The following DCUN1D4 variants were observed in gnomAD, a reference collection of about 807,000 sequenced individuals.
DCUN1D4 encodes the protein DCN1-like protein 4.
DCUN1D4 carries 22 observed loss-of-function variants against 47.9 expected under a neutral mutation model. The ratio of observed to expected loss-of-function variants is 0.46; its 90% confidence interval spans 0.33 to 0.66. The LOEUF is 0.66. Ranked by LOEUF, DCUN1D4 falls within the 30% of genes least tolerant of loss-of-function variation. The pLI is 0.02. For synonymous variants in DCUN1D4, 121 were observed against 112.2 expected (o/e 1.08, Z -0.50); for missense variants, 301 against 340.8 (o/e 0.88, Z 0.92).
chr4:51,881,268 A>C (rs1265826661), intron 5 of DCUN1D4, among the ~76,000 whole-genome samples: 2 of 152,228 alleles, frequency 1.3e-5, no homozygotes, highest in African/African-American at 4.8e-5. Context: ...GCTCACATAC[A>C]TAGGTCATAA....
At chr4:51,857,531 A>G (rs1327839724) in intron 1 of DCUN1D4, among the ~76,000 whole-genome samples, 1 of 152,148 alleles carries the variant, frequency 6.6e-6, no homozygotes, top group Admixed American at 6.5e-5. Flanking sequence ...TTGGTGGAAT[A>G]AGTTGTTTCA....
chr4:51,877,565 G>A, intron 4 of DCUN1D4, 198 bp from the exon 5 acceptor site: 1 of 415,720 alleles, frequency 2.4e-6, no homozygotes, highest in South Asian at 3.6e-5. Flanking sequence ...GTGCTTACCA[G>A]TTCTATATTA....
At chr4:51,895,222 G>A (rs1280210689) in intron 7 of DCUN1D4, among the ~76,000 whole-genome samples, 2 of 151,726 alleles carry the variant, frequency 1.3e-5, no homozygotes, top group African/African-American at 4.8e-5. Flanking sequence ...AAAGGTTACT[G>A]TATGATGGGA....
In DCUN1D4 at chr4:51,913,602, CGA is replaced by C; in HGVS notation, c.*24_*25del. 6.2e-7 allele frequency: 1 copy of C among 1,608,058 alleles called. No individual in the cohort carries two copies. The highest frequency in any genetic ancestry group is 8.5e-7 in the Non-Finnish European group (1 of 1,176,084). On this transcript the variant is annotated 3_prime_UTR_variant, in exon 11 of 11. Coordinates refer to ENST00000334635, the MANE Select transcript of DCUN1D4 (RefSeq NM_001040402.3). ...TGTCCTAGGACTTTATGCATAGCAG[CGA>C]GAGAGTCACTGTTACCACAGTTTTG...
chr4:51,876,847 C>A (rs565450467), intron 4 of DCUN1D4, among the ~76,000 whole-genome samples: 1 of 152,196 alleles, frequency 6.6e-6, no homozygotes, highest in Non-Finnish European at 1.5e-5. Flanking sequence ...CATATTCTTA[C>A]ATACTATGAA....
At chr4:51,834,108 TTTTTTC>T in the DCUN1D4 span, among the ~76,000 whole-genome samples, 4 of 125,978 alleles carry the variant, frequency 3.2e-5, 2 homozygotes, top group African/African-American at 7.7e-5. Flanking sequence ...TCTTTCTTTT[TTTTTTC>T]TTTTTTTTTT....
intron 8 of DCUN1D4, among the ~76,000 whole-genome samples, chr4:51,899,676 GA>G (rs1351715540): frequency 6.6e-6 from 1 of 152,164 alleles, no homozygotes; most frequent in Non-Finnish European, 1.5e-5. Flanking sequence ...GATAAGGTTG[GA>G]AAAGCTTTCC....
chr4:51,855,056 G>A (rs1375726283), intron 1 of DCUN1D4, among the ~76,000 whole-genome samples: 2 of 152,112 alleles, frequency 1.3e-5, no homozygotes, highest in East Asian at 1.9e-4. Flanking sequence ...AGTGAATAAA[G>A]CAAAAGGAAG....
intron 8 of DCUN1D4, among the ~76,000 whole-genome samples, chr4:51,901,880 C>T (rs777267841): frequency 5.9e-5 from 9 of 152,086 alleles, no homozygotes; most frequent in Non-Finnish European, 1.2e-4. Flanking sequence ...GCTTAATTAC[C>T]GGATAGATTC....
At chr4:51,868,089 A>G (rs1481586396) in intron 3 of DCUN1D4, among the ~76,000 whole-genome samples, 3 of 152,242 alleles carry the variant, frequency 2.0e-5, no homozygotes, top group African/African-American at 4.8e-5. Flanking sequence ...CTCAGCCTCA[A>G]CTTTACTCTG....
chr4:51,888,983 C>G (rs544054480), intron 6 of DCUN1D4, among the ~76,000 whole-genome samples: 11 of 151,706 alleles, frequency 7.3e-5, no homozygotes, highest in African/African-American at 2.7e-4. Context: ...GTGATGTGCG[C>G]TAGTAATCCC....
the DCUN1D4 span, among the ~76,000 whole-genome samples, chr4:51,837,061 C>T: frequency 6.6e-6 from 1 of 152,170 alleles, no homozygotes; most frequent in African/African-American, 2.4e-5. Flanking sequence ...ATGAAAAACA[C>T]CATAAAGGTC....
In DCUN1D4 at chr4:51,915,810, A is replaced by C. The variant is rs1322950410; in HGVS notation, c.*2226A>C. The C allele has an allele frequency of 6.6e-6, 1 of 152,566 alleles. No individual in the cohort carries two copies. Among genetic ancestry groups the C allele is most frequent in the African/African-American group, 2.4e-5 (1 of 41,438 alleles). The allele number at this position is 152,566 out of a possible 1,614,324, so 9.5% of individuals were successfully genotyped here. A position where few individuals can be genotyped will look rare whatever the true frequency, so the allele number is the denominator to read the frequency against. On this transcript the variant is annotated 3_prime_UTR_variant, in exon 11 of 11. Coordinates refer to ENST00000334635, the MANE Select transcript of DCUN1D4 (RefSeq NM_001040402.3). ...TCAACATTTTGATGGTAGGGAAAAAACTGCGTAAAAACTATTGCATTATGT... is the reference window on the plus strand; with the variant it reads ...TCAACATTTTGATGGTAGGGAAAAACCTGCGTAAAAACTATTGCATTATGT...
At chr4:51,843,522 C>T (rs1244892259) in intron 1 of DCUN1D4, 8 of 1,279,248 alleles carry the variant, frequency 6.3e-6, no homozygotes, top group Non-Finnish European at 7.9e-6. Flanking sequence ...GGCTCTCTTT[C>T]AGTGTTGGGG....
intron 6 of DCUN1D4, among the ~76,000 whole-genome samples, chr4:51,891,511 C>T (rs1459534444): frequency 6.6e-6 from 1 of 152,162 alleles, no homozygotes; most frequent in Non-Finnish European, 1.5e-5. Flanking sequence ...CCTTACACCT[C>T]CACTATCGTG....
At chr4:51,867,531 G>C (rs1039337838) in intron 3 of DCUN1D4, among the ~76,000 whole-genome samples, 2 of 152,118 alleles carry the variant, frequency 1.3e-5, no homozygotes, top group Non-Finnish European at 2.9e-5. Flanking sequence ...ACCCAAAGTG[G>C]GTAGCTCTTT....
chr4:51,850,137 A>C (rs537149843), intron 1 of DCUN1D4, among the ~76,000 whole-genome samples: 33 of 152,272 alleles, frequency 2.2e-4, no homozygotes, highest in African/African-American at 7.9e-4. Context: ...ATATTAGCTG[A>C]TGATTTGTCA....
At chr4:51,857,675 GTGTT>G (rs1302496867) in intron 1 of DCUN1D4, among the ~76,000 whole-genome samples, 2 of 152,192 alleles carry the variant, frequency 1.3e-5, no homozygotes, top group Non-Finnish European at 2.9e-5. Context: ...TCTGGTGCCT[GTGTT>G]TGAGGTACAG....
intron 1 of DCUN1D4, among the ~76,000 whole-genome samples, chr4:51,853,662 AC>A (rs1426755207): frequency 1.2e-4 from 18 of 152,164 alleles, no homozygotes; most frequent in Non-Finnish European, 4.4e-5. Context: ...GGTGCCCCAC[AC>A]CCATTTTTAT....
Sources: gnomAD v4.1 joint callset for allele counts (sites outside exome capture counted in the v4.1 genomes callset) on GRCh38, gnomAD v4.1.1 for gene constraint, MANE v1.5 for transcripts, NCBI Gene and HGNC (gene_info 2026-07-23, HGNC 2026-07-21) for gene names.